PCLO: variants seen among roughly 807,000 people sequenced by gnomAD.
PCLO encodes piccolo presynaptic cytomatrix protein, also known as protein piccolo.
In PCLO, 82 loss-of-function variants were observed where a neutral mutation model predicts 427.5. The observed-to-expected ratio is 0.19, with a 90% confidence interval of 0.16 to 0.23. PCLO has a LOEUF of 0.23. Ranked by LOEUF, PCLO falls within the 10% of genes least tolerant of loss-of-function variation. The pLI, the probability that PCLO is intolerant of heterozygous loss-of-function variation, is 1.00. For synonymous variants in PCLO, 2,357 were observed against 2,155.4 expected (o/e 1.09, Z -2.59); for missense variants, 6,239 against 6,115.9 (o/e 1.02, Z -0.67).
intron 10 of PCLO, among the ~76,000 whole-genome samples, chr7:82,849,591 G>A (rs551745576): frequency 6.6e-6 from 1 of 152,150 alleles, no homozygotes; most frequent in Non-Finnish European, 1.5e-5. Context: ...ATGATATACA[G>A]GTATAACAAA....
At chr7:83,154,641 C>A in intron 2 of PCLO, 107 bp downstream of exon 2, 4 of 845,284 alleles carry the variant, frequency 4.7e-6, no homozygotes, top group Non-Finnish European at 5.5e-6. Context: ...GGGGAGAATC[C>A]AGAGAAAGAC....
chr7:82,804,645 A>T (rs1791422495), intron 21 of PCLO, among the ~76,000 whole-genome samples: 1 of 152,144 alleles, frequency 6.6e-6, no homozygotes, highest in Non-Finnish European at 1.5e-5. Flanking sequence ...CTGTATTCTA[A>T]CGACTTAATT....
intron 3 of PCLO, among the ~76,000 whole-genome samples, chr7:83,044,574 GT>G (rs1388669757): frequency 6.6e-6 from 1 of 151,714 alleles, no homozygotes; most frequent in Non-Finnish European, 1.5e-5. Context: ...TTGTTTGTTT[GT>G]TTTTTGTGCA....
rs1395602687 is a variant in PCLO, at chr7:83,119,314, CAGAG to C, written c.3300+14932_3300+14935del. Among the ~76,000 whole-genome samples the C allele has an allele frequency of 2.0e-5, 3 of 152,106 alleles. No homozygotes were observed. In the East Asian group the frequency reaches 5.8e-4, roughly 29 times the overall value. ...TCCCTCAACTCCATGCAGCCCAGCA[CAGAG>C]AGAGAGGCTCCTTTTGTTTGGGTGA... is the stretch of plus-strand genomic sequence containing the variant. On this transcript the variant is annotated intron_variant, in intron 3 of 24. Coordinates refer to ENST00000333891, the MANE Select transcript of PCLO (RefSeq NM_033026.6).
chr7:82,836,170 C>A (rs1024489860), intron 15 of PCLO, among the ~76,000 whole-genome samples: 1 of 152,002 alleles, frequency 6.6e-6, no homozygotes, highest in African/African-American at 2.4e-5. Context: ...TGACACATAT[C>A]CTGTAATAAA....
intron 3 of PCLO, among the ~76,000 whole-genome samples, chr7:83,113,823 A>G (rs781738574): frequency 3.3e-4 from 50 of 152,180 alleles, no homozygotes; most frequent in Non-Finnish European, 6.9e-4. Context: ...AGAAAACGTT[A>G]CATTATGGAA....
At chr7:82,873,821 G>GT (rs1236296209) in intron 10 of PCLO, among the ~76,000 whole-genome samples, 1 of 137,824 alleles carries the variant, frequency 7.3e-6, no homozygotes, top group Admixed American at 7.1e-5. Flanking sequence ...TCTAGATTGG[G>GT]GGGGTGGTTT....
At chr7:83,156,990 G>A (rs910062198) in intron 1 of PCLO, among the ~76,000 whole-genome samples, 1 of 152,112 alleles carries the variant, frequency 6.6e-6, no homozygotes, top group Non-Finnish European at 1.5e-5. Flanking sequence ...TTCTGATAAT[G>A]GAGTTTACAT....
At chr7:83,095,263 C>T (rs915500850) in intron 3 of PCLO, among the ~76,000 whole-genome samples, 12 of 151,938 alleles carry the variant, frequency 7.9e-5, no homozygotes, top group Non-Finnish European at 1.8e-4. Context: ...GTAGCATTTC[C>T]TTCTCTTTTA....
chr7:83,023,392 G>A (rs1788393664), intron 3 of PCLO, among the ~76,000 whole-genome samples: 1 of 152,148 alleles, frequency 6.6e-6, no homozygotes, highest in Non-Finnish European at 1.5e-5. Flanking sequence ...GTTAAGACAT[G>A]TTTAGAATTC....
intron 3 of PCLO, among the ~76,000 whole-genome samples, chr7:82,985,078 T>C (rs1796229198): frequency 6.6e-6 from 1 of 151,972 alleles, no homozygotes; most frequent in Non-Finnish European, 1.5e-5. Flanking sequence ...GCCAAACTAA[T>C]GTTGGTATGA....
chr7:82,993,825 T>C (rs1796434538), intron 3 of PCLO, among the ~76,000 whole-genome samples: 1 of 152,092 alleles, frequency 6.6e-6, no homozygotes, highest in African/African-American at 2.4e-5. Context: ...TATGTATTCA[T>C]GTATCCATTC....
chr7:83,032,909 T>C (rs1788707788), intron 3 of PCLO, among the ~76,000 whole-genome samples: 1 of 152,100 alleles, frequency 6.6e-6, no homozygotes, highest in Non-Finnish European at 1.5e-5. Flanking sequence ...TCATCTCGAA[T>C]TGTAATCCCC....
Position 82,953,500 on chromosome 7 carries a change from G to A in PCLO, c.7453C>T (p.Pro2485Ser), listed in dbSNP as rs745992255. Residue 2485 changes from proline to serine, a missense_variant, in exon 5 of 25, where the codon CCT (proline) becomes TCT (serine). By Grantham distance (74) the Pro-to-Ser change is moderately conservative. Transcript: ENST00000333891. ...ATTGAAGATGGCTTAGGAGGAACAG[G>A]AGGAGGTGCAGTAGTACATATTCTT... ...VTRICTTAPP[P>S]VPPKPSSIPS... 40 of 1,613,486 alleles carry A rather than the reference G, an allele frequency of 2.5e-5. No individual in the cohort carries two copies. In the East Asian group the frequency reaches 8.0e-4, roughly 32 times the overall value.
chr7:82,773,569 A>G (rs1367759608), intron 22 of PCLO, among the ~76,000 whole-genome samples: 1 of 152,176 alleles, frequency 6.6e-6, no homozygotes, highest in African/African-American at 2.4e-5. Flanking sequence ...CAGAAGCAAC[A>G]TAAAGGAATA....
In PCLO at chr7:82,805,671, A is replaced by G. The variant is rs770076070; in HGVS notation, c.14933+17T>C. 46 of 1,611,032 alleles carry G rather than the reference A, an allele frequency of 2.9e-5. No homozygotes were observed. The highest frequency in any genetic ancestry group is 3.7e-5 in the Non-Finnish European group (44 of 1,178,470). ...ATGCTGAGTAAGCTTTGTAGTAACA[A>G]AAAGAGACCCACTTACATCCTCGGA... On this transcript the variant is annotated intron_variant, in intron 21 of 24. Coordinates refer to ENST00000333891, the MANE Select transcript of PCLO (RefSeq NM_033026.6).
chr7:83,088,894 T>A (rs28377137), intron 3 of PCLO, among the ~76,000 whole-genome samples: 2,273 of 152,252 alleles, frequency 0.015, 64 homozygotes, highest in African/African-American at 0.05. Context: ...GATAATCTTT[T>A]GAAAAATCAA....
In PCLO at chr7:83,035,299, T is replaced by C. The variant is rs572968110; in HGVS notation, c.3301-68812A>G. Among the ~76,000 whole-genome samples, 114 of 152,284 alleles carry C rather than the reference T, an allele frequency of 7.5e-4. 1 individual carries two copies. The highest frequency in any genetic ancestry group is 3.4e-3 in the Middle Eastern group (1 of 294). Reference sequence around the variant, plus strand: ...TCAATTACTGCATGTTCTTTCAGAGTAGTTCAAGGTTGTATCTTTTATTAA... The same window carrying C: ...TCAATTACTGCATGTTCTTTCAGAGCAGTTCAAGGTTGTATCTTTTATTAA... On this transcript the variant is annotated intron_variant, in intron 3 of 24. Coordinates refer to ENST00000333891, the MANE Select transcript of PCLO (RefSeq NM_033026.6).
intron 3 of PCLO, among the ~76,000 whole-genome samples, chr7:82,970,059 T>C (rs548398571): frequency 3.9e-5 from 6 of 152,044 alleles, no homozygotes; most frequent in Non-Finnish European, 7.4e-5. Flanking sequence ...TTCATTCACA[T>C]TGAAATTCAA....
Sources: allele counts gnomAD v4.1 joint callset (sites outside exome capture counted in the v4.1 genomes callset), GRCh38; gene constraint gnomAD v4.1.1; transcripts MANE v1.5; gene names NCBI Gene and HGNC (gene_info 2026-07-23, HGNC 2026-07-21).